The following DLC1 variants were observed in gnomAD, a reference collection of about 807,000 sequenced individuals.
DLC1 encodes the protein DLC1 Rho GTPase activating protein, also known as rho GTPase-activating protein 7.
A neutral mutation model predicts 140.3 loss-of-function variants in DLC1; 54 were observed. That is an observed-to-expected ratio of 0.38 (90% CI 0.31 to 0.48). DLC1 has a LOEUF of 0.48. Ranked by LOEUF, DLC1 falls within the 20% of genes least tolerant of loss-of-function variation. The probability of loss-of-function intolerance (pLI) is 0.96; values close to 1 mark genes in which losing one functional copy is unlikely to be tolerated. For missense variants in DLC1, 2,536 were observed against 1,907.0 expected (o/e 1.33, Z -6.14); for synonymous variants, 986 against 728.1 (o/e 1.35, Z -5.70).
intron 5 of DLC1, among the ~76,000 whole-genome samples, chr8:13,282,381 C>G (rs1349499189): frequency 6.6e-6 from 1 of 152,006 alleles, no homozygotes; most frequent in Non-Finnish European, 1.5e-5. Context: ...TAGAGATGCC[C>G]TCAGGAACTT....
intron 5 of DLC1, among the ~76,000 whole-genome samples, chr8:13,182,125 T>C (rs1295616125): frequency 6.6e-6 from 1 of 152,230 alleles, no homozygotes; most frequent in Non-Finnish European, 1.5e-5. Context: ...GTTGGCTGCA[T>C]AGATGTCTTC....
intron 2 of DLC1, among the ~76,000 whole-genome samples, chr8:13,424,486 C>CTT (rs1452038404): frequency 6.6e-6 from 1 of 152,042 alleles, no homozygotes; most frequent in Non-Finnish European, 1.5e-5. Context: ...GAGACTCTGT[C>CTT]TCAAAAAATA....
chr8:13,434,958 G>A (rs1839051696), intron 2 of DLC1, among the ~76,000 whole-genome samples: 1 of 150,564 alleles, frequency 6.6e-6, no homozygotes, highest in African/African-American at 2.5e-5. Context: ...GGGATTACAG[G>A]CGTGACCCCC....
At chr8:13,245,277 CTA>C (rs776318475) in intron 5 of DLC1, among the ~76,000 whole-genome samples, 1 of 152,202 alleles carries the variant, frequency 6.6e-6, no homozygotes, top group Admixed American at 6.5e-5. Context: ...AAAGACACCT[CTA>C]TGTGATTCTG....
At position 13,312,340 on chromosome 8, in the gene DLC1, G is replaced by C. The variant is rs569758424; in HGVS notation, c.1315-7038C>G. ...CGCGCCACTGCACTCCAGCCTGGGCGACAGAGCGAGACTCCGTCTCAAAAA... is the reference window on the plus strand; with the variant it reads ...CGCGCCACTGCACTCCAGCCTGGGCCACAGAGCGAGACTCCGTCTCAAAAA... On this transcript the variant is annotated intron_variant, in intron 4 of 17. Transcript: ENST00000276297. 9.4e-4 allele frequency among the ~76,000 whole-genome samples: 70 copies of C among 74,496 alleles called. 2 individuals carry two copies. The highest frequency in any genetic ancestry group is 8.1e-3 in the Admixed American group (34 of 4,206). The allele number at this position is 74,496 out of a possible 152,430, so 48.9% of individuals were successfully genotyped here. A position where few individuals can be genotyped will look rare whatever the true frequency, so the allele number is the denominator to read the frequency against.
At chr8:13,181,044 A>G (rs562079491) in intron 5 of DLC1, among the ~76,000 whole-genome samples, 1 of 152,164 alleles carries the variant, frequency 6.6e-6, no homozygotes, top group South Asian at 2.1e-4. Context: ...TAATTCAAAT[A>G]TATATGTATC....
chr8:13,341,335 G>C (rs1834036611), intron 4 of DLC1: 1 of 152,130 alleles, frequency 6.6e-6, no homozygotes, highest in Non-Finnish European at 1.5e-5. Context: ...GTGTCACTTG[G>C]AGCTTTGGGA....
intron 1 of DLC1, among the ~76,000 whole-genome samples, chr8:13,600,013 ACTACTTT>A: frequency 6.6e-6 from 1 of 151,926 alleles, no homozygotes. Context: ...AATCAGAAGC[ACTACTTT>A]CTTTCGTTAG....
At chr8:13,562,500 A>C (rs572146057) in intron 1 of DLC1, among the ~76,000 whole-genome samples, 1 of 152,346 alleles carries the variant, frequency 6.6e-6, no homozygotes, top group South Asian at 2.1e-4. Context: ...AGAAGAATTC[A>C]ATTTAAAATT....
intron 1 of DLC1, chr8:13,567,788 C>T: frequency 6.4e-7 from 1 of 1,551,880 alleles, no homozygotes; most frequent in Non-Finnish European, 8.7e-7. Flanking sequence ...AAAAGACTGA[C>T]TGAGAAAAGT....
At chr8:13,108,569 C>G (rs1415438572) in intron 7 of DLC1, among the ~76,000 whole-genome samples, 1 of 152,176 alleles carries the variant, frequency 6.6e-6, no homozygotes, top group East Asian at 1.9e-4. Flanking sequence ...ACATTTCAAA[C>G]TGATATTCTG....
intron 5 of DLC1, among the ~76,000 whole-genome samples, chr8:13,143,350 C>T (rs1050223135): frequency 2.0e-5 from 3 of 152,138 alleles, no homozygotes; most frequent in Admixed American, 1.3e-4. Flanking sequence ...AGTCAATGTC[C>T]CCTTCCCCTG....
At chr8:13,582,061 C>T (rs903986581) in intron 1 of DLC1, among the ~76,000 whole-genome samples, 7 of 152,068 alleles carry the variant, frequency 4.6e-5, no homozygotes, top group African/African-American at 1.7e-4. Context: ...GGAGAAAAAA[C>T]AAAGTCCACT....
intron 4 of DLC1, among the ~76,000 whole-genome samples, chr8:13,310,094 T>C (rs762995006): frequency 8.8e-4 from 134 of 152,320 alleles, no homozygotes; most frequent in Non-Finnish European, 1.6e-3. Context: ...GGCCAATCTC[T>C]TCAAACAACT....
chr8:13,474,569 G>A (rs1800358745), intron 2 of DLC1, among the ~76,000 whole-genome samples: 1 of 152,304 alleles, frequency 6.6e-6, no homozygotes, highest in East Asian at 1.9e-4. Context: ...TGGAGAAGCT[G>A]CACTCAACAC....
chr8:13,513,339 C>G (rs150679780), intron 1 of DLC1, among the ~76,000 whole-genome samples: 150 of 152,080 alleles, frequency 9.9e-4, no homozygotes, highest in African/African-American at 3.4e-3. Flanking sequence ...AAAGTAGATT[C>G]TTTTTCTCAT....
At chr8:13,433,636 A>G (rs909824912) in intron 2 of DLC1, among the ~76,000 whole-genome samples, 3 of 152,210 alleles carry the variant, frequency 2.0e-5, no homozygotes, top group African/African-American at 7.2e-5. Context: ...AAATGAGATT[A>G]TGCAATTATA....
At chr8:13,310,334 G>A (rs930743272) in intron 4 of DLC1, among the ~76,000 whole-genome samples, 2 of 151,494 alleles carry the variant, frequency 1.3e-5, no homozygotes, top group East Asian at 1.9e-4. Context: ...GCTTAATTCA[G>A]AGAAAAATCA....
chr8:13,368,783 G>A (rs889008491), intron 4 of DLC1, among the ~76,000 whole-genome samples: 16 of 152,126 alleles, frequency 1.1e-4, no homozygotes, highest in African/African-American at 3.9e-4. Context: ...AAGTGATATG[G>A]ATGTTAGTGA....
Sources: allele counts gnomAD v4.1 joint callset (sites outside exome capture counted in the v4.1 genomes callset), GRCh38; gene constraint gnomAD v4.1.1; transcripts MANE v1.5; gene names NCBI Gene and HGNC (gene_info 2026-07-23, HGNC 2026-07-21).